The following LYRM7 variants were observed in gnomAD, a reference collection of about 807,000 sequenced individuals.
LYRM7 encodes complex III assembly factor LYRM7.
LYRM7 carries 9 observed loss-of-function variants against 15.8 expected under a neutral mutation model. The ratio of observed to expected loss-of-function variants is 0.57; its 90% CI spans 0.34 to 0.99. The LOEUF (loss-of-function observed/expected upper bound fraction) is 0.99, where lower values mean the gene tolerates loss of function less well. LYRM7 is among the 50% of genes least tolerant of loss of function. The pLI is 0.02. For missense variants in LYRM7, 115 were observed against 119.1 expected (o/e 0.97, Z 0.16); for synonymous variants, 39 against 39.4 (o/e 0.99, Z 0.04).
chr5:131,179,549 G>A (rs1397196743), intron 1 of LYRM7, among the ~76,000 whole-genome samples: 1 of 137,916 alleles, frequency 7.3e-6, no homozygotes, highest in Non-Finnish European at 1.5e-5. Context: ...GCTCATTGTA[G>A]CCTCAACTTC....
At chr5:131,196,736 C>T (rs773196697) in intron 4 of LYRM7, among the ~76,000 whole-genome samples, 2 of 151,434 alleles carry the variant, frequency 1.3e-5, no homozygotes, top group African/African-American at 2.4e-5. Context: ...GGCACGATCT[C>T]GGCTCACTGC....
At chr5:131,191,906 G>A (rs1755891443) in intron 4 of LYRM7, among the ~76,000 whole-genome samples, 1 of 151,920 alleles carries the variant, frequency 6.6e-6, no homozygotes, top group African/African-American at 2.4e-5. Flanking sequence ...GTATCCAAAG[G>A]AAAGGAAATC....
At chr5:131,180,451 T>C (rs2149660829) in intron 2 of LYRM7, among the ~76,000 whole-genome samples, 1 of 152,324 alleles carries the variant, frequency 6.6e-6, no homozygotes, top group South Asian at 2.1e-4. Flanking sequence ...GCCATTGAAC[T>C]TTCTGTTACA....
chr5:131,173,916 G>T (rs1440377894), intron 1 of LYRM7, among the ~76,000 whole-genome samples: 1 of 152,202 alleles, frequency 6.6e-6, no homozygotes, highest in Admixed American at 6.5e-5. Flanking sequence ...GTTGCTAAAG[G>T]TTAAGATGAC....
At chr5:131,197,541 CTTTTTTTTTTT>C (rs60003952) in intron 4 of LYRM7, among the ~76,000 whole-genome samples, 22 of 90,754 alleles carry the variant, frequency 2.4e-4, no homozygotes, top group African/African-American at 9.5e-4. Flanking sequence ...TGTCTTCTGT[CTTTTTTTTTTT>C]TTTTTTTTTT....
chr5:131,196,157 G>T (rs1360914154), intron 4 of LYRM7, among the ~76,000 whole-genome samples: 1 of 144,598 alleles, frequency 6.9e-6, no homozygotes, highest in Non-Finnish European at 1.5e-5. Context: ...AGGCTGGAGT[G>T]CAGTGGCACG....
chr5:131,181,470 TATATATAAC>T (rs1397626681), intron 2 of LYRM7, among the ~76,000 whole-genome samples: 5 of 133,208 alleles, frequency 3.8e-5, no homozygotes, highest in African/African-American at 1.4e-4. Flanking sequence ...TATATGTATA[TATATATAAC>T]ATATATATGT....
At chr5:131,177,543 A>G (rs1755621026) in intron 1 of LYRM7, among the ~76,000 whole-genome samples, 1 of 152,164 alleles carries the variant, frequency 6.6e-6, no homozygotes. Flanking sequence ...TGAATATGTT[A>G]TTCCATTGTC....
At chr5:131,199,096 A>T (rs114704057) in intron 4 of LYRM7, among the ~76,000 whole-genome samples, 12 of 152,324 alleles carry the variant, frequency 7.9e-5, no homozygotes, top group African/African-American at 2.6e-4. Flanking sequence ...TGATATGACC[A>T]CACAAAACAC....
chr5:131,184,640 C>CCG (rs1554090137), intron 3 of LYRM7, among the ~76,000 whole-genome samples: 1 of 127,434 alleles, frequency 7.8e-6, no homozygotes, highest in East Asian at 2.1e-4. Flanking sequence ...TTTTTTTTGG[C>CCG]GGGGGGGGGG....
At chr5:131,181,356 T>C (rs1446519371) in intron 2 of LYRM7, among the ~76,000 whole-genome samples, 50 of 36,242 alleles carry the variant, frequency 1.4e-3, no homozygotes, top group Non-Finnish European at 1.8e-3. Context: ...ATGTTATATA[T>C]ATATTAACAT....
chr5:131,183,287 G>A lies in LYRM7; in HGVS notation c.162+988G>A, dbSNP rs745841695. 1.7e-4 allele frequency among the ~76,000 whole-genome samples: 26 copies of A among 151,994 alleles called. 1 individual carries two copies. Among genetic ancestry groups the A allele is most frequent in the Non-Finnish European group, 3.5e-4 (24 of 67,996 alleles). On this transcript the variant is annotated intron_variant, in intron 3 of 4. Transcript: ENST00000379380. ...GGAAAGATTTTGCTGAAACATGATA[G>A]GGCAAATAGGGAATATGTAATTTTT...
At chr5:131,173,182 C>T (rs1272763217) in intron 1 of LYRM7, among the ~76,000 whole-genome samples, 3 of 152,088 alleles carry the variant, frequency 2.0e-5, no homozygotes, top group Non-Finnish European at 4.4e-5. Flanking sequence ...TTGCAAAGCC[C>T]GTATTTTTAC....
rs561220106 is a variant in LYRM7 at position 131,171,052 on chromosome 5, G to A, written c.18+14G>A. The A allele has an allele frequency of 1.7e-5, 26 of 1,526,870 alleles. No individual in the cohort carries two copies. In the South Asian group the frequency reaches 1.9e-4, roughly 11 times the overall value. 94.6% of individuals were successfully genotyped at this position (1,526,870 alleles called of 1,614,324 possible). On this transcript the variant is annotated intron_variant, in intron 1 of 4. Transcript: ENST00000379380. The stretch of plus-strand genomic sequence containing the variant: ...CGGGCAGTCAAGGTGACAGGGCCCG[G>A]GAAGGGGTGGGTACGATGCCGTCGG...
At chr5:131,197,885 T>TGTGTGTG (rs1755993626) in intron 4 of LYRM7, among the ~76,000 whole-genome samples, 1 of 146,274 alleles carries the variant, frequency 6.8e-6, no homozygotes, top group African/African-American at 2.5e-5. Flanking sequence ...TGTGTGTGTG[T>TGTGTGTG]AAATATATAT....
chr5:131,175,299 A>G (rs1210888251), intron 1 of LYRM7, among the ~76,000 whole-genome samples: 1 of 150,386 alleles, frequency 6.6e-6, no homozygotes, highest in Non-Finnish European at 1.5e-5. Flanking sequence ...TCCCAGGTTC[A>G]AGCAATTCCC....
intron 4 of LYRM7, among the ~76,000 whole-genome samples, chr5:131,194,500 T>TG (rs1245660853): frequency 6.6e-6 from 1 of 152,234 alleles, no homozygotes; most frequent in African/African-American, 2.4e-5. Flanking sequence ...TAAGTTCCTC[T>TG]GTTTCCTTTG....
At chr5:131,181,300 A>AAAAATAT (rs1755690376) in intron 2 of LYRM7, among the ~76,000 whole-genome samples, 1 of 11,072 alleles carries the variant, frequency 9.0e-5, no homozygotes, top group Non-Finnish European at 2.4e-4. Context: ...AAAAAAAAAA[A>AAAAATAT]AAATATATAT....
In LYRM7 at chr5:131,200,751, T is replaced by C. The variant is rs1756048446; in HGVS notation, c.*1150T>C. 2.0e-5 allele frequency: 3 copies of C among 152,464 alleles called. No homozygotes were observed. In the South Asian group the frequency reaches 6.2e-4, roughly 32 times the overall value. 9.4% of individuals were successfully genotyped at this position (152,464 alleles called of 1,614,324 possible). A position where few individuals can be genotyped will look rare whatever the true frequency, so the allele number is the denominator to read the frequency against. On this transcript the variant is annotated 3_prime_UTR_variant, in exon 5 of 5. Transcript: ENST00000379380. ...GTCATCGCAGTATATAATCACTATA[T>C]AAATGTGCTGACTTACAGTTATTTT...
Sources: allele counts gnomAD v4.1 joint callset (sites outside exome capture counted in the v4.1 genomes callset), GRCh38; gene constraint gnomAD v4.1.1; transcripts MANE v1.5; gene names NCBI Gene and HGNC (gene_info 2026-07-23, HGNC 2026-07-21).